Variants in KTN1 observed in about 807,000 individuals in gnomAD.
KTN1 encodes the protein kinectin.
KTN1 carries 130 observed loss-of-function variants against 222.5 expected under a neutral mutation model. That is an observed-to-expected ratio of 0.58 (90% CI 0.51 to 0.68). KTN1 has a LOEUF of 0.68. KTN1 is among the 30% of genes least tolerant of loss of function. The probability of loss-of-function intolerance (pLI) is 0.00; values close to 1 mark genes in which losing one functional copy is unlikely to be tolerated. For missense variants in KTN1, 1,508 were observed against 1,500.4 expected (o/e 1.01, Z -0.08); for synonymous variants, 512 against 496.3 (o/e 1.03, Z -0.42).
intron 5 of KTN1, among the ~76,000 whole-genome samples, chr14:55,619,593 G>C (rs1312901867): frequency 1.3e-5 from 2 of 152,110 alleles, no homozygotes; most frequent in African/African-American, 4.8e-5. Flanking sequence ...AAGGTGAAAG[G>C]CACGTCTTAT....
chr14:55,653,849 A>G (rs1724720509), intron 28 of KTN1, among the ~76,000 whole-genome samples: 1 of 152,180 alleles, frequency 6.6e-6, no homozygotes, highest in African/African-American at 2.4e-5. Context: ...TTCTGCAAAT[A>G]TAGGCTGGTT....
chr14:55,596,154 C>CAAAAAAAAAAAAAAAAAAAA (rs71448460), intron 1 of KTN1, among the ~76,000 whole-genome samples: 1 of 61,132 alleles, frequency 1.6e-5, no homozygotes, highest in Non-Finnish European at 3.0e-5. Flanking sequence ...GACTCAATAG[C>CAAAAAAAAAAAAAAAAAAAA]AAAAAAAAAA....
intron 43 of KTN1, 85 bp from the exon 44 acceptor site, chr14:55,684,014 T>C: frequency 8.5e-7 from 1 of 1,170,266 alleles, no homozygotes; most frequent in South Asian, 1.3e-5. Context: ...ATGGAATATG[T>C]ACTTTTGGTG....
intron 29 of KTN1, 83 bp downstream of exon 29, chr14:55,656,215 A>C: frequency 1.1e-6 from 1 of 909,720 alleles, no homozygotes; most frequent in Non-Finnish European, 1.7e-6. Context: ...GCTGCCAAAA[A>C]ATAGAGTACA....
At chr14:55,668,307 ATATTT>A (rs1252135709) in intron 34 of KTN1, 1 of 152,044 alleles carries the variant, frequency 6.6e-6, no homozygotes, top group Non-Finnish European at 1.5e-5. Flanking sequence ...CATCTCTTAG[ATATTT>A]TTTAATCCTC....
intron 33 of KTN1, among the ~76,000 whole-genome samples, chr14:55,666,320 G>A (rs2044733910): frequency 6.6e-6 from 1 of 151,874 alleles, no homozygotes; most frequent in African/African-American, 2.4e-5. Context: ...TGGTTGAGAT[G>A]TTTCTAGCTT....
At chr14:55,640,606 T>C (rs1203915081) in intron 15 of KTN1, among the ~76,000 whole-genome samples, 164 bp downstream of exon 15, 1 of 151,986 alleles carries the variant, frequency 6.6e-6, no homozygotes, top group East Asian at 1.9e-4. Flanking sequence ...TTGAAATAAA[T>C]GTTTGATCCA....
intron 9 of KTN1, among the ~76,000 whole-genome samples, chr14:55,635,529 C>A (rs921840475): frequency 1.3e-5 from 2 of 152,180 alleles, no homozygotes; most frequent in Admixed American, 1.3e-4. Context: ...CATACTGTAT[C>A]TTTAGACGCC....
chr14:55,613,532 C>G (rs539329973), intron 2 of KTN1, among the ~76,000 whole-genome samples: 12 of 145,084 alleles, frequency 8.3e-5, no homozygotes, highest in Admixed American at 3.5e-4. Flanking sequence ...CTCACACTCT[C>G]ACCCAGGCTG....
chr14:55,582,259 A>C (rs1408742533), intron 1 of KTN1, among the ~76,000 whole-genome samples: 1 of 152,202 alleles, frequency 6.6e-6, no homozygotes, highest in African/African-American at 2.4e-5. Context: ...TAATACCAGT[A>C]GTCTCTTCTG....
chr14:55,586,113 T>A (rs1463845550), intron 1 of KTN1, among the ~76,000 whole-genome samples: 2 of 152,190 alleles, frequency 1.3e-5, no homozygotes, highest in Non-Finnish European at 2.9e-5. Flanking sequence ...AGTCACTAGT[T>A]AGGAGACCTA....
At chr14:55,655,912 T>C in intron 28 of KTN1, 130 bp from the exon 29 acceptor site, 1 of 504,840 alleles carries the variant, frequency 2.0e-6, no homozygotes, top group East Asian at 3.2e-5. Flanking sequence ...ACTTCTAAGT[T>C]GGTATAATAT....
At chr14:55,650,987 A>G (rs1353938828) in intron 24 of KTN1, among the ~76,000 whole-genome samples, 1 of 152,130 alleles carries the variant, frequency 6.6e-6, no homozygotes, top group Non-Finnish European at 1.5e-5. Context: ...TTGAATATAC[A>G]TTGCTCTATC....
intron 1 of KTN1, among the ~76,000 whole-genome samples, chr14:55,597,033 G>GTA (rs1487338190): frequency 6.6e-6 from 1 of 151,640 alleles, no homozygotes. Context: ...AATAGGATTA[G>GTA]TATATACTGT....
chr14:55,590,828 A>G (rs2033982404), intron 1 of KTN1, among the ~76,000 whole-genome samples: 1 of 152,042 alleles, frequency 6.6e-6, no homozygotes, highest in Non-Finnish European at 1.5e-5. Flanking sequence ...GGCATGCACC[A>G]CCACGTCCAG....
At chr14:55,667,548 CATT>C (rs1322232236) in intron 34 of KTN1, 2 of 301,930 alleles carry the variant, frequency 6.6e-6, no homozygotes, top group Non-Finnish European at 1.2e-5. Context: ...ATATATGAGA[CATT>C]AGAGGATTAA....
intron 32 of KTN1, 41 bp downstream of exon 32, chr14:55,661,653 A>G: frequency 2.0e-6 from 2 of 1,010,328 alleles, no homozygotes; most frequent in Non-Finnish European, 3.0e-6. Context: ...TCTTTTTATT[A>G]CTTTAACACT....
At chr14:55,618,845 T>C (rs1306997832) in intron 4 of KTN1, among the ~76,000 whole-genome samples, 2 of 152,238 alleles carry the variant, frequency 1.3e-5, no homozygotes, top group Non-Finnish European at 2.9e-5. Context: ...GCAAGGATTA[T>C]TAAAGTTCAT....
At chr14:55,616,723 A>T (rs2038451650) in intron 3 of KTN1, 69 bp downstream of exon 3, 2 of 1,269,670 alleles carry the variant, frequency 1.6e-6, no homozygotes, top group African/African-American at 3.0e-5. Flanking sequence ...AGGACCCTGG[A>T]ATCTCACACG....
Sources: gnomAD v4.1 joint callset for allele counts (sites outside exome capture counted in the v4.1 genomes callset) on GRCh38, gnomAD v4.1.1 for gene constraint, MANE v1.5 for transcripts, NCBI Gene and HGNC (gene_info 2026-07-23, HGNC 2026-07-21) for gene names.